HEATR6: variants seen among roughly 807,000 people sequenced by gnomAD.
HEATR6 encodes HEAT repeat-containing protein 6.
HEATR6 carries 106 observed loss-of-function variants against 132.8 expected under a neutral mutation model. That is an observed-to-expected ratio of 0.80 (90% CI 0.68 to 0.94). HEATR6 has a LOEUF of 0.94. HEATR6 is among the 40% of genes least tolerant of loss of function. The pLI is 0.00. For missense variants in HEATR6, 1,339 were observed against 1,425.1 expected (o/e 0.94, Z 0.97); for synonymous variants, 529 against 537.8 (o/e 0.98, Z 0.23).
At position 60,043,794 on chromosome 17, in the gene HEATR6, A is replaced by T; in HGVS notation, c.3315T>A (p.Tyr1105Ter). ...CTCCTGATTTTAAAAACTGTAGAAT[A>T]TAGGACTGGACCATATTCCCACTCA... is the stretch of plus-strand genomic sequence containing the variant. ...LELSGNMVQSYILQFLKSGAE... is the reference protein window; with the variant it reads ...LELSGNMVQS The change falls in exon 20 of 20, where the codon TAT (tyrosine) becomes TAA (stop). Residue 1105 changes from tyrosine (Y) to a stop codon, truncating the protein, a stop_gained. Transcript: ENST00000184956. LOFTEE classifies it high-confidence loss of function. 6.2e-7 allele frequency: 1 copy of T among 1,614,182 alleles called. No homozygotes were observed. The highest frequency in any genetic ancestry group is 8.5e-7 in the Non-Finnish European group (1 of 1,180,042).
At chr17:60,051,343 C>T (rs763457560) in intron 14 of HEATR6, among the ~76,000 whole-genome samples, 9 of 152,212 alleles carry the variant, frequency 5.9e-5, no homozygotes, top group Non-Finnish European at 1.0e-4. Context: ...TTATTTTATT[C>T]CTTGGCACAA....
intron 14 of HEATR6, among the ~76,000 whole-genome samples, chr17:60,051,264 G>A (rs1429315300): frequency 3.9e-5 from 6 of 152,204 alleles, no homozygotes; most frequent in Admixed American, 6.5e-5. Context: ...CAACAGCAGC[G>A]GCAGCTAATG....
At chr17:60,049,032 G>T (rs1906488943) in intron 16 of HEATR6, among the ~76,000 whole-genome samples, 1 of 107,604 alleles carries the variant, frequency 9.3e-6, no homozygotes, top group Admixed American at 1.1e-4. Context: ...TAATGCCTTA[G>T]TTCATTTATA....
intron 11 of HEATR6, among the ~76,000 whole-genome samples, 176 bp from the exon 12 acceptor site, chr17:60,057,579 T>A (rs1906786247): frequency 1.3e-5 from 2 of 152,178 alleles, no homozygotes; most frequent in African/African-American, 4.8e-5. Context: ...GTTAACACCA[T>A]AAAGAAACAA....
At chr17:60,068,478 T>C (rs981304922) in intron 7 of HEATR6, among the ~76,000 whole-genome samples, 1 of 150,658 alleles carries the variant, frequency 6.6e-6, no homozygotes, top group African/African-American at 2.4e-5. Flanking sequence ...CACAGTGATT[T>C]TTCTGACACA....
rs762468226 is a variant in HEATR6, at chr17:60,056,124, A to G, written c.2193T>C (p.His731=). 6 of 1,613,902 alleles carry G rather than the reference A, an allele frequency of 3.7e-6. No homozygotes were observed. The highest frequency in any genetic ancestry group is 1.3e-5 in the African/African-American group (1 of 75,060). Residue 731 remains histidine, a synonymous_variant, in exon 13 of 20, where the codon CAT becomes CAC. Transcript: ENST00000184956. ...MGEADPSIQL[H]GAKLLEELGT... is the part of the protein sequence containing the mutation. ...TTTTGATGAAAATTACCTTTGCTCCATGAAGCTGAATGGATGGATCTGCTT... is the reference window on the plus strand; with the variant it reads ...TTTTGATGAAAATTACCTTTGCTCCGTGAAGCTGAATGGATGGATCTGCTT...
chr17:60,056,982 C>T, intron 12 of HEATR6, 66 bp downstream of exon 12: 1 of 1,279,078 alleles, frequency 7.8e-7, no homozygotes, highest in Non-Finnish European at 1.1e-6. Flanking sequence ...CTGCTCGCTC[C>T]TCACAGTCAC....
rs1341753049 is a variant in HEATR6, at chr17:60,041,365, C to T, written c.*2198G>A. Among the ~76,000 whole-genome samples the T allele has an allele frequency of 6.6e-6, 1 of 152,116 alleles. No homozygotes were observed. The highest frequency in any genetic ancestry group is 2.4e-5 in the African/African-American group (1 of 41,432). On this transcript the variant is annotated 3_prime_UTR_variant, in exon 20 of 20. Coordinates refer to ENST00000184956, the MANE Select transcript of HEATR6 (RefSeq NM_022070.5). Reference sequence around the variant, plus strand: ...TGAATCATCAAATGAAACCATGAGGCCACTTCACAAATATTTTATCAAAAA... The same window carrying T: ...TGAATCATCAAATGAAACCATGAGGTCACTTCACAAATATTTTATCAAAAA...
chr17:60,048,533 G>A lies in HEATR6; in HGVS notation c.2548-145C>T, dbSNP rs544720991. The A allele has an allele frequency of 2.5e-4, 211 of 843,536 alleles. No homozygotes were observed. In the African/African-American group the frequency reaches 3.3e-3, roughly 13 times the overall value. The allele number at this position is 843,536 out of a possible 1,614,324, so 52.3% of individuals were successfully genotyped here. On this transcript the variant is annotated intron_variant, in intron 16 of 19. Coordinates refer to ENST00000184956, the MANE Select transcript of HEATR6 (RefSeq NM_022070.5). ...AATTCATCTACTCAATCAATTTACT[G>A]TTCTTATATTTTACAATTTGGACAC... is the stretch of plus-strand genomic sequence containing the variant.
intron 14 of HEATR6, among the ~76,000 whole-genome samples, chr17:60,054,544 C>A (rs578026766): frequency 2.0e-5 from 3 of 152,368 alleles, no homozygotes; most frequent in African/African-American, 7.2e-5. Context: ...CCAGTGTGCA[C>A]TGGATGCGGG....
intron 14 of HEATR6, among the ~76,000 whole-genome samples, chr17:60,054,420 C>T (rs895304227): frequency 1.4e-4 from 22 of 152,238 alleles, no homozygotes; most frequent in African/African-American, 5.1e-4. Context: ...GGAGCCCCTA[C>T]ACACGGTCTC....
chr17:60,057,498 T>C (rs1014258770), intron 11 of HEATR6, 95 bp from the exon 12 acceptor site: 2 of 770,624 alleles, frequency 2.6e-6, no homozygotes, highest in African/African-American at 3.5e-5. Flanking sequence ...AGTAGTTCCT[T>C]GTGTAACCTG....
At position 60,050,897 on chromosome 17, in the gene HEATR6, C is replaced by T. The variant is rs753301269; in HGVS notation, c.2370G>A (p.Ala790=). Residue 790 remains alanine (A), a synonymous_variant, in exon 15 of 20, where the codon GCG becomes GCA. Transcript: ENST00000184956. ...TGGAAGACAGGGCATCACAGGCGCTCGCCTGGAGAGTTGGGTGTTCTGAAT... is the reference window on the plus strand; with the variant it reads ...TGGAAGACAGGGCATCACAGGCGCTTGCCTGGAGAGTTGGGTGTTCTGAAT... The part of the protein sequence containing the change: ...LQNSEHPTLQ[A]SACDALSSIL... The T allele has an allele frequency of 4.3e-6, 7 of 1,614,076 alleles. No individual in the cohort carries two copies. The highest frequency in any genetic ancestry group is 2.2e-5 in the South Asian group (2 of 91,088).
chr17:60,061,500 A>C (rs2083210945), intron 9 of HEATR6, among the ~76,000 whole-genome samples: 1 of 152,256 alleles, frequency 6.6e-6, no homozygotes, highest in South Asian at 2.1e-4. Context: ...AGGGGCTGGC[A>C]AACTTTTCTG....
Position 60,059,473 on chromosome 17 carries a change from T to C in HEATR6, c.1672A>G (p.Ser558Gly), listed in dbSNP as rs1444628550. The change falls in exon 11 of 20, where the codon AGC becomes GGC. Residue 558 changes from serine to glycine, a missense_variant. Transcript: ENST00000184956. ...TGGTTCCAGACTTTGGTCAGCAGGC[T>C]GAGTTTTAGACGATCATAAGGTGCA... Reference protein sequence around the residue: ...SNAPYDRLKLSLLTKVWNQIK... With the variant: ...SNAPYDRLKLGLLTKVWNQIK... 1.2e-6 allele frequency: 2 copies of C among 1,613,892 alleles called. No individual in the cohort carries two copies. The highest frequency in any genetic ancestry group is 3.3e-5 in the Admixed American group (2 of 59,946).
At position 60,046,079 on chromosome 17, in the gene HEATR6, A is replaced by G. The variant is rs557632982; in HGVS notation, c.2920T>C (p.Trp974Arg). 2 of 1,614,156 alleles carry G rather than the reference A, an allele frequency of 1.2e-6. No individual in the cohort carries two copies. The highest frequency in any genetic ancestry group is 1.7e-5 in the Admixed American group (1 of 60,020). ...TTTCCCATTGCATAACAAGCATTCC[A>G]TCGGACTTTCATGGCAGCTTCTGTT... The part of the protein sequence containing the change: ...VLTEAAMKVR[W>R]NACYAMGNVF... Residue 974 changes from tryptophan (W) to arginine (R), a missense_variant, in exon 19 of 20, where the codon TGG (tryptophan) becomes CGG (arginine). Physicochemically the swap from Trp to Arg is moderately radical, Grantham distance 101. Coordinates refer to ENST00000184956, the MANE Select transcript of HEATR6 (RefSeq NM_022070.5).
At chr17:60,051,010 A>C in intron 14 of HEATR6, 33 bp from the exon 15 acceptor site, 1 of 1,611,136 alleles carries the variant, frequency 6.2e-7, no homozygotes, top group Non-Finnish European at 8.5e-7. Context: ...GCTGCAGCCC[A>C]AGACATAACA....
rs2083265695 is a variant in HEATR6 at position 60,070,696 on chromosome 17, C to T, written c.801+10G>A. 1 of 1,482,772 alleles carries T rather than the reference C, an allele frequency of 6.7e-7. No individual in the cohort carries two copies. Among genetic ancestry groups the T allele is most frequent in the African/African-American group, 1.4e-5 (1 of 72,276 alleles). 91.9% of individuals were successfully genotyped at this position (1,482,772 alleles called of 1,614,324 possible). The stretch of plus-strand genomic sequence containing the variant: ...AGGAAAGACAATGATCATATGAAGA[C>T]TTGCCTTACCTTTAGCACAGCTAAA... On this transcript the variant is annotated intron_variant, in intron 6 of 19. Coordinates refer to ENST00000184956, the MANE Select transcript of HEATR6 (RefSeq NM_022070.5).
Position 60,059,915 on chromosome 17 carries a change from G to A in HEATR6, c.1598C>T (p.Ser533Leu). 2 of 1,613,674 alleles carry A rather than the reference G, an allele frequency of 1.2e-6. No homozygotes were observed. The highest frequency in any genetic ancestry group is 8.5e-7 in the Non-Finnish European group (1 of 1,179,698). ...LLLALVAESSSQTVTQIIKCL... is the reference protein window; with the variant it reads ...LLLALVAESSLQTVTQIIKCL... ...CTTAATTATCTGAGTAACGGTCTGT[G>A]AGGATGACTCCGCCACCAAAGCTAA... Residue 533 changes from serine (S) to leucine (L), a missense_variant, in exon 10 of 20, where the codon TCA (serine) becomes TTA (leucine). Physicochemically the swap from Ser to Leu is moderately radical, Grantham distance 145 (BLOSUM62 -2). Transcript: ENST00000184956.
Sources: gnomAD v4.1 joint callset for allele counts (sites outside exome capture counted in the v4.1 genomes callset) on GRCh38, gnomAD v4.1.1 for gene constraint, MANE v1.5 for transcripts, NCBI Gene and HGNC (gene_info 2026-07-23, HGNC 2026-07-21) for gene names.